Variants in PXDNL observed in about 807,000 individuals in gnomAD.
PXDNL encodes the protein peroxidasin like, also known as probable oxidoreductase PXDNL.
PXDNL carries 145 observed loss-of-function variants against 150.8 expected under a neutral mutation model. The ratio of observed to expected loss-of-function variants is 0.96; its 90% CI spans 0.84 to 1.10. PXDNL has a LOEUF of 1.10. Ranked by LOEUF, PXDNL falls within the 50% of genes least tolerant of loss-of-function variation. PXDNL has a pLI of 0.00. For synonymous variants in PXDNL, 757 were observed against 725.7 expected, an observed-to-expected ratio of 1.04 and a Z score of -0.69; for missense variants, 2,087 against 1,873.9, an observed-to-expected ratio of 1.11 and a Z score of -2.10.
intron 2 of PXDNL, among the ~76,000 whole-genome samples, chr8:51,597,695 T>A (rs564389505): frequency 3.5e-4 from 53 of 151,586 alleles, no homozygotes; most frequent in African/African-American, 1.3e-3. Flanking sequence ...ATGTGTCTAC[T>A]GTAAATAGGA....
intron 3 of PXDNL, among the ~76,000 whole-genome samples, chr8:51,585,039 G>A (rs1585599243): frequency 1.3e-5 from 2 of 152,254 alleles, no homozygotes; most frequent in African/African-American, 4.8e-5. Context: ...ACTAGACACA[G>A]CAGGAGAGAA....
At chr8:51,572,104 A>G (rs768202551) in intron 3 of PXDNL, among the ~76,000 whole-genome samples, 1 of 151,848 alleles carries the variant, frequency 6.6e-6, no homozygotes, top group Non-Finnish European at 1.5e-5. Context: ...TTAAATTTAT[A>G]ATGGGTTTAT....
In PXDNL at chr8:51,408,808, C is replaced by T. The variant is rs1808522377; in HGVS notation, c.2816G>A (p.Gly939Asp). Reference protein sequence around the residue: ...SGKPLLPFSTGPPTECARQEQ... With the variant: ...SGKPLLPFSTDPPTECARQEQ... ...CTGTCGCGCGCACTCGGTGGGTGGG[C>T]CTGTAGAAAAGGGCAATAAGGGCTT... Residue 939 changes from glycine to aspartate, a missense_variant, in exon 17 of 23, where the codon GGC becomes GAC. Transcript: ENST00000356297. 3 of 1,569,368 alleles carry T rather than the reference C, an allele frequency of 1.9e-6. No individual in the cohort carries two copies. In the South Asian group the frequency reaches 3.6e-5, roughly 19 times the overall value.
chr8:51,627,417 T>C (rs1467047623), intron 2 of PXDNL, among the ~76,000 whole-genome samples: 1 of 152,200 alleles, frequency 6.6e-6, no homozygotes, highest in Non-Finnish European at 1.5e-5. Flanking sequence ...GGCAATTATG[T>C]CTATGTGGTT....
At chr8:51,514,986 C>A (rs1356182836) in intron 4 of PXDNL, among the ~76,000 whole-genome samples, 3 of 152,132 alleles carry the variant, frequency 2.0e-5, no homozygotes, top group African/African-American at 7.2e-5. Flanking sequence ...TTGTCTTAAG[C>A]AGAGAAATAC....
At chr8:51,528,401 TATAA>T (rs1174383440) in intron 4 of PXDNL, among the ~76,000 whole-genome samples, 1 of 152,140 alleles carries the variant, frequency 6.6e-6, no homozygotes, top group Non-Finnish European at 1.5e-5. Context: ...TTATATGAAT[TATAA>T]ATGTTTAAAA....
intron 4 of PXDNL, among the ~76,000 whole-genome samples, chr8:51,547,051 T>G (rs1255404118): frequency 6.6e-6 from 1 of 152,014 alleles, no homozygotes; most frequent in Non-Finnish European, 1.5e-5. Context: ...CACCTGATGG[T>G]TTTCTCTACC....
intron 13 of PXDNL, among the ~76,000 whole-genome samples, chr8:51,424,393 C>T (rs572526324): frequency 1.3e-5 from 2 of 151,952 alleles, no homozygotes; most frequent in African/African-American, 2.4e-5. Flanking sequence ...TAAAAATTAA[C>T]GAGGAGAAGT....
chr8:51,572,593 T>C (rs1812969986), intron 3 of PXDNL, among the ~76,000 whole-genome samples: 1 of 151,838 alleles, frequency 6.6e-6, no homozygotes, highest in Non-Finnish European at 1.5e-5. Context: ...TAGTTTTTGT[T>C]TGGGATGATG....
At chr8:51,349,506 T>C (rs925091807) in intron 19 of PXDNL, among the ~76,000 whole-genome samples, 1 of 152,154 alleles carries the variant, frequency 6.6e-6, no homozygotes, top group Non-Finnish European at 1.5e-5. Context: ...TCTGGATACA[T>C]TGGGTCTTAC....
At chr8:51,328,160 C>T (rs537286801) in intron 21 of PXDNL, among the ~76,000 whole-genome samples, 1 of 152,372 alleles carries the variant, frequency 6.6e-6, no homozygotes, top group South Asian at 2.1e-4. Context: ...TGGCCTTCCA[C>T]TTCATCTGCA....
chr8:51,430,698 A>T (rs115349569), intron 12 of PXDNL, among the ~76,000 whole-genome samples: 1,632 of 152,306 alleles, frequency 0.011, 30 homozygotes, highest in African/African-American at 0.037. Flanking sequence ...ATTCCTTTGC[A>T]AAGAACTTTT....
intron 12 of PXDNL, among the ~76,000 whole-genome samples, chr8:51,443,558 T>G (rs1031377746): frequency 2.0e-5 from 3 of 152,190 alleles, no homozygotes; most frequent in Non-Finnish European, 2.9e-5. Context: ...CATTGGGAAC[T>G]AAAACTGAGA....
At chr8:51,577,651 A>C (rs950845843) in intron 3 of PXDNL, among the ~76,000 whole-genome samples, 5 of 149,270 alleles carry the variant, frequency 3.3e-5, no homozygotes, top group Admixed American at 2.7e-4. Flanking sequence ...AGCAATAAAT[A>C]AGGAAAAAAC....
chr8:51,418,371 T>G lies in PXDNL; in HGVS notation c.1796-5113A>C, dbSNP rs1808857130. Among the ~76,000 whole-genome samples the G allele has an allele frequency of 2.0e-5, 3 of 152,334 alleles. No individual in the cohort carries two copies. In the South Asian group the frequency reaches 6.2e-4, roughly 32 times the overall value. ...ATTTTAAAATGTAGTAAAATAGCAA[T>G]TTAAAACTCTTCAGTTACCAATTTC... On this transcript the variant is annotated intron_variant, in intron 14 of 22. Coordinates refer to ENST00000356297, the MANE Select transcript of PXDNL (RefSeq NM_144651.5).
chr8:51,408,425 G>A lies in PXDNL; in HGVS notation c.3199C>T (p.Leu1067=). Residue 1067 remains leucine (L), a synonymous_variant, in exon 17 of 23, where the codon CTG becomes TTG. Transcript: ENST00000356297. ...GAAATTTCACCTAAGGTGGCATTCA[G>A]TCGGTAAAGAATAGGATTGATTAAT... The part of the protein sequence containing the change: ...HTLINPILYR[L]NATLGEISEG... 6.2e-7 allele frequency: 1 copy of A among 1,614,036 alleles called. No individual in the cohort carries two copies. The highest frequency in any genetic ancestry group is 8.5e-7 in the Non-Finnish European group (1 of 1,179,892).
intron 19 of PXDNL, among the ~76,000 whole-genome samples, chr8:51,357,990 G>A (rs963942396): frequency 2.0e-5 from 3 of 152,164 alleles, no homozygotes; most frequent in Admixed American, 1.3e-4. Context: ...GGGAGTCTGG[G>A]ATGGAAGGTG....
At chr8:51,453,906 C>CATATAT (rs1473181397) in intron 9 of PXDNL, 121 bp from the exon 10 acceptor site, 167 of 817,730 alleles carry the variant, frequency 2.0e-4, no homozygotes, top group Non-Finnish European at 2.7e-4. Flanking sequence ...TAAAATATTA[C>CATATAT]ACATATATAT....
At chr8:51,678,802 G>T (rs1010346812) in intron 1 of PXDNL, among the ~76,000 whole-genome samples, 6 of 152,018 alleles carry the variant, frequency 3.9e-5, no homozygotes, top group African/African-American at 1.2e-4. Context: ...CACCAGCATG[G>T]CACATGTATA....
Sources: gnomAD v4.1 joint callset for allele counts (sites outside exome capture counted in the v4.1 genomes callset) on GRCh38, gnomAD v4.1.1 for gene constraint, MANE v1.5 for transcripts, NCBI Gene and HGNC (gene_info 2026-07-23, HGNC 2026-07-21) for gene names.